The following PRDM6 variants were observed in gnomAD, a reference collection of about 807,000 sequenced individuals.
PRDM6 encodes PR/SET domain 6.
Under a neutral mutation model 60.8 loss-of-function variants are expected in PRDM6, and 25 were observed. The ratio of observed to expected loss-of-function variants is 0.41; its 90% CI spans 0.30 to 0.57. PRDM6 has a LOEUF of 0.57. PRDM6 is among the 20% of genes least tolerant of loss of function. PRDM6 has a pLI of 0.27. For synonymous variants in PRDM6, 407 were observed against 357.4 expected (o/e 1.14, Z -1.57); for missense variants, 839 against 821.3 (o/e 1.02, Z -0.26).
At chr5:123,139,632 A>G (rs1296170745) in intron 3 of PRDM6, among the ~76,000 whole-genome samples, 1 of 152,156 alleles carries the variant, frequency 6.6e-6, no homozygotes, top group Non-Finnish European at 1.5e-5. Flanking sequence ...TCAGGGATGC[A>G]GGTGTCACTC....
rs1425097771 is a variant in PRDM6 at position 123,189,821 on chromosome 5, T to A, written c.*2620T>A. ...CTGTCCACAAAGACAGGCTTACACC[T>A]GGACATTGACTTGGAACCCTGAAGC... On this transcript the variant is annotated 3_prime_UTR_variant, in exon 8 of 8. Transcript: ENST00000407847. 3 of 152,358 alleles carry A rather than the reference T, an allele frequency of 2.0e-5. No homozygotes were observed. The East Asian group carries it at 5.8e-4, about 29-fold the overall frequency. 9.4% of individuals were successfully genotyped at this position (152,358 alleles called of 1,614,324 possible). A position where few individuals can be genotyped will look rare whatever the true frequency, so the allele number is the denominator to read the frequency against.
chr5:123,140,822 G>A (rs938765705), intron 3 of PRDM6, among the ~76,000 whole-genome samples: 1 of 152,066 alleles, frequency 6.6e-6, no homozygotes, highest in Non-Finnish European at 1.5e-5. Context: ...ACTTAGGCTT[G>A]TAAATGGCTT....
At position 123,157,481 on chromosome 5, in the gene PRDM6, G is replaced by C. The variant is rs117777621; in HGVS notation, c.1028+1470G>C. Among the ~76,000 whole-genome samples, 36 of 152,198 alleles carry C rather than the reference G, an allele frequency of 2.4e-4. No homozygotes were observed. In the East Asian group the frequency reaches 6.4e-3, roughly 27 times the overall value. On this transcript the variant is annotated intron_variant, in intron 4 of 7. Transcript: ENST00000407847. ...ACCCCCTAAGAGGAAGGTGGGCACG[G>C]GTAAGTCATTGCCTATCTGTCAATA...
chr5:123,152,703 G>A (rs773282000), intron 3 of PRDM6, among the ~76,000 whole-genome samples: 35 of 152,308 alleles, frequency 2.3e-4, no homozygotes, highest in Non-Finnish European at 2.6e-4. Context: ...ACAGACAGTT[G>A]TTGTAACGTG....
Position 123,090,393 on chromosome 5 carries a change from G to A in PRDM6, c.379G>A (p.Val127Ile). The A allele has an allele frequency of 6.8e-7, 1 of 1,461,326 alleles. No individual in the cohort carries two copies. The highest frequency in any genetic ancestry group is 9.0e-7 in the Non-Finnish European group (1 of 1,112,864). 90.5% of individuals were successfully genotyped at this position (1,461,326 alleles called of 1,614,324 possible). A position where few individuals can be genotyped will look rare whatever the true frequency, so the allele number is the denominator to read the frequency against. ...GTTCGCGCCTCTAGCCGCCGCTGCC[G>A]TCGCCGCCGAGCCGCTGCCCCCCAA... ...PVFAPLAAAA[V>I]AAEPLPPKEL... Residue 127 changes from valine to isoleucine, a missense_variant, in exon 2 of 8, where the codon GTC (valine) becomes ATC (isoleucine). Coordinates refer to ENST00000407847, the MANE Select transcript of PRDM6 (RefSeq NM_001136239.4).
chr5:123,107,277 A>G (rs1422823782), intron 3 of PRDM6, among the ~76,000 whole-genome samples: 1 of 152,220 alleles, frequency 6.6e-6, no homozygotes, highest in Admixed American at 6.5e-5. Flanking sequence ...TAATGTATTT[A>G]TTTTTGTTGG....
intron 3 of PRDM6, among the ~76,000 whole-genome samples, chr5:123,154,207 C>A (rs190644779): frequency 2.0e-5 from 3 of 152,248 alleles, no homozygotes; most frequent in African/African-American, 7.2e-5. Flanking sequence ...TGTAATCAAT[C>A]CTAAATATGT....
intron 5 of PRDM6, among the ~76,000 whole-genome samples, chr5:123,160,060 A>T (rs1225596145): frequency 6.6e-6 from 1 of 152,224 alleles, no homozygotes; most frequent in African/African-American, 2.4e-5. Context: ...GAAAGCAATG[A>T]CATTTAATCA....
intron 4 of PRDM6, among the ~76,000 whole-genome samples, chr5:123,156,453 C>T (rs1219362714): frequency 6.6e-6 from 1 of 152,176 alleles, no homozygotes; most frequent in African/African-American, 2.4e-5. Context: ...CATGGGAAAC[C>T]AAGAACTCGC....
At chr5:123,163,976 C>T (rs900808373) in intron 5 of PRDM6, among the ~76,000 whole-genome samples, 6 of 152,086 alleles carry the variant, frequency 3.9e-5, no homozygotes, top group South Asian at 2.1e-4. Flanking sequence ...TCACCCCCAC[C>T]GTTCCACCAA....
At chr5:123,125,075 TTG>T (rs5871022) in intron 3 of PRDM6, among the ~76,000 whole-genome samples, 31 of 150,760 alleles carry the variant, frequency 2.1e-4, no homozygotes, top group African/African-American at 7.2e-4. Context: ...TTTTTTTTTT[TTG>T]AATCTTGTGT....
chr5:123,143,148 A>AGTGTGTGTGTGTGTGTGTGTGT (rs139092433), intron 3 of PRDM6, among the ~76,000 whole-genome samples: 2,601 of 145,824 alleles, frequency 0.018, 46 homozygotes, highest in Non-Finnish European at 0.026. Context: ...TAGTTTTTAA[A>AGTGTGTGTGTGTGTGTGTGTGT]GTGTGTGTGT....
chr5:123,180,513 C>T (rs1766128802), intron 7 of PRDM6, among the ~76,000 whole-genome samples, 190 bp downstream of exon 7: 1 of 152,248 alleles, frequency 6.6e-6, no homozygotes, highest in African/African-American at 2.4e-5. Context: ...GAAACCTATG[C>T]ACTGGTCCTA....
At chr5:123,097,962 A>T (rs1025484199) in intron 2 of PRDM6, among the ~76,000 whole-genome samples, 1 of 152,184 alleles carries the variant, frequency 6.6e-6, no homozygotes, top group African/African-American at 2.4e-5. Context: ...ACTGAGGCAA[A>T]GGTTTGGCTG....
At chr5:123,144,182 C>G (rs556200314) in intron 3 of PRDM6, among the ~76,000 whole-genome samples, 80 of 152,304 alleles carry the variant, frequency 5.3e-4, no homozygotes, top group Admixed American at 2.9e-3. Context: ...TTGAGTCTCA[C>G]CCTCCTCAGG....
intron 3 of PRDM6, among the ~76,000 whole-genome samples, chr5:123,110,598 A>C (rs1580485108): frequency 1.9e-5 from 2 of 103,418 alleles, no homozygotes; most frequent in African/African-American, 7.8e-5. Flanking sequence ...ATGGAGTTTC[A>C]CTCTTGTTGC....
chr5:123,105,529 A>G (rs1764182897), intron 3 of PRDM6, among the ~76,000 whole-genome samples: 1 of 152,242 alleles, frequency 6.6e-6, no homozygotes, highest in South Asian at 2.1e-4. Flanking sequence ...TTGTGATTGA[A>G]TATGAAAAAC....
chr5:123,097,364 C>T (rs1231213710), intron 2 of PRDM6, among the ~76,000 whole-genome samples: 1 of 152,106 alleles, frequency 6.6e-6, no homozygotes, highest in Non-Finnish European at 1.5e-5. Context: ...TAAATTTCCC[C>T]AGCTTTCATT....
At chr5:123,146,640 C>A (rs949728070) in intron 3 of PRDM6, among the ~76,000 whole-genome samples, 2 of 152,124 alleles carry the variant, frequency 1.3e-5, no homozygotes, top group Admixed American at 6.5e-5. Context: ...CTTTCACTGA[C>A]ACGACAAGGG....
Sources: gnomAD v4.1 joint callset for allele counts (sites outside exome capture counted in the v4.1 genomes callset) on GRCh38, gnomAD v4.1.1 for gene constraint, MANE v1.5 for transcripts, NCBI Gene and HGNC (gene_info 2026-07-23, HGNC 2026-07-21) for gene names.